Variants in SHC2 observed in about 807,000 individuals in gnomAD.
SHC2 encodes the protein SHC-transforming protein 2.
A neutral mutation model predicts 60.6 loss-of-function variants in SHC2; 62 were observed. The ratio of observed to expected loss-of-function variants is 1.02; its 90% CI spans 0.83 to 1.26. SHC2 has a LOEUF of 1.26. Among genes scored for constraint, SHC2 ranks in the 50% most tolerant of loss-of-function variants. SHC2 has a pLI of 0.00. For missense variants in SHC2, 873 were observed against 822.2 expected (o/e 1.06, Z -0.76); for synonymous variants, 375 against 372.4 (o/e 1.01, Z -0.08).
chr19:443,636 A>G (rs1439674691), intron 1 of SHC2, among the ~76,000 whole-genome samples: 5 of 72,076 alleles, frequency 6.9e-5, no homozygotes, highest in Admixed American at 1.4e-4. Context: ...ATGGATGGAC[A>G]GATGGATGGT....
chr19:417,641 A>G (rs1288463555), intron 12 of SHC2, among the ~76,000 whole-genome samples: 3 of 152,228 alleles, frequency 2.0e-5, no homozygotes, highest in African/African-American at 4.8e-5. Context: ...AGCAGGAATC[A>G]TTACTGCCTT....
At chr19:435,433 C>T (rs1431241004) in intron 7 of SHC2, among the ~76,000 whole-genome samples, 2 of 152,232 alleles carry the variant, frequency 1.3e-5, no homozygotes, top group Non-Finnish European at 2.9e-5. Context: ...TGCTGAGCAA[C>T]GTGCATCAAG....
In SHC2 at chr19:460,585, C is replaced by T; in HGVS notation, c.412G>A (p.Gly138Ser). 7.1e-7 allele frequency: 1 copy of T among 1,409,604 alleles called. No homozygotes were observed. The highest frequency in any genetic ancestry group is 9.3e-7 in the Non-Finnish European group (1 of 1,074,462). The allele number at this position is 1,409,604 out of a possible 1,614,324, so 87.3% of individuals were successfully genotyped here. Residue 138 changes from glycine to serine, a missense_variant, in exon 1 of 13, where the codon GGC becomes AGC. Transcript: ENST00000264554. Reference protein sequence around the residue: ...KGSFIHKPAHGWLHPDARVLG... With the variant: ...KGSFIHKPAHSWLHPDARVLG... ...ACCCTGGCGTCGGGGTGTAGCCAGC[C>T]GTGCGCGGGTTTGTGGATGAAGCTG...
rs1178451420 is a variant in SHC2, at chr19:434,769, G to A, written c.1050C>T (p.Gly350=). The A allele has an allele frequency of 7.4e-6, 12 of 1,612,730 alleles. No individual in the cohort carries two copies. The highest frequency in any genetic ancestry group is 2.7e-5 in the African/African-American group (2 of 74,924). The change falls in exon 8 of 13, where the codon GGC becomes GGT. Residue 350 remains glycine, a synonymous_variant. Coordinates refer to ENST00000264554, the MANE Select transcript of SHC2 (RefSeq NM_012435.3). ...GGGCCAGCCTGGAGTCCACTAGCCC[G>A]CCCAGCGGCGGCTCCTTCCCCGGGA... ...NSIPGKEPPL[G]GLVDSRLALT... is the part of the protein sequence containing the mutation.
At chr19:418,236 C>G (rs866430041) in intron 12 of SHC2, among the ~76,000 whole-genome samples, 3 of 152,314 alleles carry the variant, frequency 2.0e-5, no homozygotes, top group African/African-American at 7.2e-5. Flanking sequence ...GCCCACCGTC[C>G]TCTCCGGCAG....
At chr19:436,331 C>T in intron 6 of SHC2, 40 bp from the exon 7 acceptor site, 1 of 1,587,710 alleles carries the variant, frequency 6.3e-7, no homozygotes, top group Non-Finnish European at 8.6e-7. Flanking sequence ...AGCCACACGG[C>T]CGTGCCCCCC....
chr19:430,466 A>G (rs1474245112), intron 9 of SHC2, among the ~76,000 whole-genome samples: 1 of 152,184 alleles, frequency 6.6e-6, no homozygotes, highest in African/African-American at 2.4e-5. Flanking sequence ...CCGTGTGGAT[A>G]ATGTAGTACT....
chr19:429,384 C>T (rs1228238592), intron 9 of SHC2, among the ~76,000 whole-genome samples: 2 of 147,642 alleles, frequency 1.4e-5, no homozygotes, highest in African/African-American at 2.5e-5. Flanking sequence ...GTGTGGATGA[C>T]GCAGTACCTA....
At position 438,215 on chromosome 19, in the gene SHC2, G is replaced by T. The variant is rs1477704897; in HGVS notation, c.720+503C>A. On this transcript the variant is annotated intron_variant, in intron 4 of 12. Transcript: ENST00000264554. The surrounding 1 kb of genome is among the most constrained non-coding windows in gnomAD (Gnocchi z 5.0). ...TGGTCTCGAACTCCTGACCTCAAGT[G>T]ATCTGCCCACCCCTCAGCCTCCCAA... 6.6e-6 allele frequency among the ~76,000 whole-genome samples: 1 copy of T among 152,200 alleles called. No homozygotes were observed. The highest frequency in any genetic ancestry group is 1.5e-5 in the Non-Finnish European group (1 of 68,040).
intron 4 of SHC2, among the ~76,000 whole-genome samples, chr19:437,120 G>T (rs1240829465): frequency 6.6e-6 from 1 of 152,206 alleles, no homozygotes; most frequent in Non-Finnish European, 1.5e-5. Flanking sequence ...ACCTGTGAGT[G>T]CATTTGCATG....
intron 7 of SHC2, among the ~76,000 whole-genome samples, 156 bp from the exon 8 acceptor site, chr19:435,021 A>C (rs1190721229): frequency 6.6e-6 from 1 of 152,238 alleles, no homozygotes; most frequent in South Asian, 2.1e-4. Context: ...TTCTAGAGCC[A>C]GTGACCAGGC....
chr19:452,100 T>C (rs1288843617), intron 1 of SHC2, among the ~76,000 whole-genome samples: 2 of 152,186 alleles, frequency 1.3e-5, no homozygotes, highest in Non-Finnish European at 2.9e-5. Context: ...GGCTGAAACA[T>C]ATTTTGAGTT....
chr19:439,447 G>C (rs1005613780), intron 2 of SHC2: 1 of 229,566 alleles, frequency 4.4e-6, no homozygotes, highest in African/African-American at 2.6e-5. Context: ...GCCTGACGCG[G>C]GGTCCGTGTC....
intron 1 of SHC2, among the ~76,000 whole-genome samples, chr19:451,384 C>T (rs562612194): frequency 2.6e-5 from 4 of 151,842 alleles, no homozygotes; most frequent in Admixed American, 6.5e-5. Context: ...CCGTGGGCCA[C>T]GTCGTATTTC....
rs561286471 is a variant in SHC2 at position 453,730 on chromosome 19, G to A, written c.468+6799C>T. ...CCGCACCTCCCAGCTTAAGGGACCC[G>A]CGATGCAGGAAGGATGAAGTGTCAT... is the stretch of plus-strand genomic sequence containing the variant. On this transcript the variant is annotated intron_variant, in intron 1 of 12. Coordinates refer to ENST00000264554, the MANE Select transcript of SHC2 (RefSeq NM_012435.3). This position sits in a 1 kb window ranked among gnomAD's most constrained non-coding sequence, Gnocchi z 6.3. Among the ~76,000 whole-genome samples the A allele has an allele frequency of 2.0e-5, 3 of 152,286 alleles. No individual in the cohort carries two copies. The highest frequency in any genetic ancestry group is 1.3e-4 in the Admixed American group (2 of 15,308).
chr19:458,922 G>A (rs1168968394), intron 1 of SHC2, among the ~76,000 whole-genome samples: 1 of 152,026 alleles, frequency 6.6e-6, no homozygotes, highest in Admixed American at 6.5e-5. Context: ...CACACGTGGG[G>A]GAGTGAGGTT....
At position 437,321 on chromosome 19, in the gene SHC2, T is replaced by A. The variant is rs530446185; in HGVS notation, c.721-638A>T. ...GTGCTCGTCTGTGTGCTCATCTGCA[T>A]GCTCATCTGCGTGCTTGTTTGCATG... On this transcript the variant is annotated intron_variant, in intron 4 of 12. Coordinates refer to ENST00000264554, the MANE Select transcript of SHC2 (RefSeq NM_012435.3). 7.6e-3 allele frequency among the ~76,000 whole-genome samples: 1,150 copies of A among 151,674 alleles called. 8 individuals carry two copies. The highest frequency in any genetic ancestry group is 0.015 in the African/African-American group (641 of 41,410).
At chr19:456,378 G>C (rs568162526) in intron 1 of SHC2, among the ~76,000 whole-genome samples, 26 of 152,172 alleles carry the variant, frequency 1.7e-4, no homozygotes, top group African/African-American at 6.3e-4. Flanking sequence ...CAACTCCTCC[G>C]GGCTCCAACA....
rs531903341 is a variant in SHC2, at chr19:418,241, C to T, written c.*5+682G>A. Among the ~76,000 whole-genome samples the T allele has an allele frequency of 1.4e-4, 21 of 152,302 alleles. No individual in the cohort carries two copies. The South Asian group carries it at 2.7e-3, about 20-fold the overall frequency. On this transcript the variant is annotated intron_variant, in intron 12 of 12. Transcript: ENST00000264554. ...GCCTGTCCCAGCCCACCGTCCTCTCCGGCAGTGCCCACCCCTCCTCTGGGA... is the reference window on the plus strand; with the variant it reads ...GCCTGTCCCAGCCCACCGTCCTCTCTGGCAGTGCCCACCCCTCCTCTGGGA...
Sources: allele counts gnomAD v4.1 joint callset (sites outside exome capture counted in the v4.1 genomes callset), GRCh38; gene constraint gnomAD v4.1.1; non-coding constraint Gnocchi (gnomAD v3.1); transcripts MANE v1.5; gene names NCBI Gene and HGNC (gene_info 2026-07-23, HGNC 2026-07-21).